Variants in OCIAD1 observed in about 807,000 individuals in gnomAD.
OCIAD1 encodes the protein OCIA domain-containing protein 1.
In OCIAD1, 29 loss-of-function variants were observed where a neutral mutation model predicts 38.9. That is an observed-to-expected ratio of 0.74 (90% CI 0.55 to 1.02). The LOEUF (loss-of-function observed/expected upper bound fraction) is 1.02, where lower values mean the gene tolerates loss of function less well. Among genes scored for constraint, OCIAD1 ranks in the 50% least tolerant of loss-of-function variants. The pLI is 0.00. For synonymous variants in OCIAD1, 110 were observed against 92.0 expected, an observed-to-expected ratio of 1.20 and a Z score of -1.12; for missense variants, 288 against 289.6, an observed-to-expected ratio of 0.99 and a Z score of 0.04.
chr4:48,810,894 CTTTTTTTTTT>C (rs869120091), intron 1 of OCIAD1, among the ~76,000 whole-genome samples: 2 of 64,236 alleles, frequency 3.1e-5, no homozygotes, highest in African/African-American at 1.3e-4. Flanking sequence ...TTCTTTCTTT[CTTTTTTTTTT>C]TTTTTTTTTG....
intron 7 of OCIAD1, among the ~76,000 whole-genome samples, chr4:48,852,913 G>C (rs543502838): frequency 3.6e-5 from 3 of 84,504 alleles, no homozygotes; most frequent in African/African-American, 1.1e-4. Context: ...ATGGAGTCTT[G>C]CTCTGTCGCC....
chr4:48,857,511 T>C (rs1780157716), intron 8 of OCIAD1, 146 bp downstream of exon 8: 2 of 473,138 alleles, frequency 4.2e-6, no homozygotes, highest in Non-Finnish European at 7.0e-6. Flanking sequence ...AATAGTACTT[T>C]ACAGTTATCA....
chr4:48,820,121 C>T lies in OCIAD1; in HGVS notation c.-102-10456C>T, dbSNP rs536362767. ...ACATTCTTCTCAGCACCACATAGCACGTATTCTAAAATCGATCACATAATT... is the reference window on the plus strand; with the variant it reads ...ACATTCTTCTCAGCACCACATAGCATGTATTCTAAAATCGATCACATAATT... On this transcript the variant is annotated intron_variant, in intron 1 of 6. Coordinates refer to the OCIAD1 transcript ENST00000504654. Among the ~76,000 whole-genome samples, 14 of 152,262 alleles carry T rather than the reference C, an allele frequency of 9.2e-5. No homozygotes were observed. The East Asian group carries it at 9.6e-4, about 10-fold the overall frequency.
chr4:48,815,479 C>T (rs1000013523), intron 1 of OCIAD1, among the ~76,000 whole-genome samples: 3 of 152,182 alleles, frequency 2.0e-5, no homozygotes, highest in Admixed American at 6.6e-5. Flanking sequence ...GAATGACCTG[C>T]AAAACCTGCC....
At chr4:48,838,835 T>C (rs767892595) in intron 3 of OCIAD1, among the ~76,000 whole-genome samples, 5 of 152,224 alleles carry the variant, frequency 3.3e-5, no homozygotes, top group Non-Finnish European at 7.3e-5. Context: ...TTCCTTAAGA[T>C]AACTATGTTT....
intron 1 of OCIAD1, among the ~76,000 whole-genome samples, chr4:48,807,565 G>A (rs1365413884): frequency 6.6e-6 from 1 of 152,138 alleles, no homozygotes; most frequent in Non-Finnish European, 1.5e-5. Context: ...TGTAATAAAT[G>A]TTAGGCATTA....
In OCIAD1 at chr4:48,859,862, C is replaced by T. The variant is rs1263018014; in HGVS notation, c.701-863C>T. Among the ~76,000 whole-genome samples, 2 of 152,064 alleles carry T rather than the reference C, an allele frequency of 1.3e-5. 1 individual carries two copies. The highest frequency in any genetic ancestry group is 2.9e-5 in the Non-Finnish European group (2 of 67,992). On this transcript the variant is annotated intron_variant, in intron 8 of 8. Transcript: ENST00000264312. The stretch of plus-strand genomic sequence containing the variant: ...ATTCAAGCACATATTCCATTAGCTG[C>T]CAGAGCAATGTCACCACACATCCTG...
At chr4:48,828,184 A>G (rs903278033), upstream of OCIAD1, among the ~76,000 whole-genome samples, 10 of 152,136 alleles carry the variant, frequency 6.6e-5, 3 homozygotes, top group African/African-American at 7.2e-5. Context: ...AAATGCACCA[A>G]TCAGTGCTCT....
intron 7 of OCIAD1, among the ~76,000 whole-genome samples, chr4:48,854,035 C>T (rs116423847): frequency 0.036 from 5,537 of 152,200 alleles, 229 homozygotes; most frequent in East Asian, 0.21. Flanking sequence ...GAGAGAATGG[C>T]TAAAGTCACT....
At chr4:48,812,508 A>AG (rs1777100551) in intron 1 of OCIAD1, among the ~76,000 whole-genome samples, 1 of 149,640 alleles carries the variant, frequency 6.7e-6, no homozygotes, top group South Asian at 2.1e-4. Context: ...AGTTAGATAG[A>AG]GGGAAAAAAG....
intron 3 of OCIAD1, among the ~76,000 whole-genome samples, chr4:48,837,782 G>A (rs1303218126): frequency 6.6e-6 from 1 of 151,952 alleles, no homozygotes; most frequent in African/African-American, 2.4e-5. Context: ...TGTAGTGTTG[G>A]GCTAACGGTT....
chr4:48,846,224 C>T (rs1307334097), intron 4 of OCIAD1, among the ~76,000 whole-genome samples: 2 of 152,122 alleles, frequency 1.3e-5, no homozygotes, highest in African/African-American at 4.8e-5. Flanking sequence ...TACCATCTTC[C>T]TTTTTCTATT....
At chr4:48,833,318 G>A (rs2109515249) in intron 2 of OCIAD1, 83 bp from the exon 3 acceptor site, 2 of 815,356 alleles carry the variant, frequency 2.5e-6, no homozygotes, top group Non-Finnish European at 4.0e-6. Context: ...GGTGCCTCTT[G>A]TTAATGTTTA....
chr4:48,844,675 T>A (rs1358627779), intron 4 of OCIAD1, among the ~76,000 whole-genome samples: 1 of 152,108 alleles, frequency 6.6e-6, no homozygotes, highest in Non-Finnish European at 1.5e-5. Flanking sequence ...CACCAAGACA[T>A]TTTGCATTTA....
At chr4:48,822,924 G>A (rs761236962) in intron 1 of OCIAD1, among the ~76,000 whole-genome samples, 11 of 152,156 alleles carry the variant, frequency 7.2e-5, no homozygotes, top group Non-Finnish European at 1.2e-4. Flanking sequence ...AAATCGGAAC[G>A]CTTTTACACT....
At chr4:48,858,369 C>T (rs1780289762) in intron 8 of OCIAD1, among the ~76,000 whole-genome samples, 1 of 152,128 alleles carries the variant, frequency 6.6e-6, no homozygotes, top group South Asian at 2.1e-4. Context: ...CGCTGTAATA[C>T]CACTTGTGGC....
chr4:48,838,612 TTAGA>T (rs1394943355), intron 3 of OCIAD1, among the ~76,000 whole-genome samples: 6 of 152,236 alleles, frequency 3.9e-5, no homozygotes, highest in African/African-American at 7.2e-5. Flanking sequence ...TACTTTCGAA[TTAGA>T]TAGTCTATGC....
chr4:48,807,587 C>T (rs1462742065), intron 1 of OCIAD1, among the ~76,000 whole-genome samples: 4 of 152,112 alleles, frequency 2.6e-5, no homozygotes, highest in African/African-American at 7.2e-5. Flanking sequence ...TATTAATTCC[C>T]TTTCTTTCTT....
chr4:48,828,594 C>T (rs917106279), upstream of OCIAD1, among the ~76,000 whole-genome samples: 1 of 152,164 alleles, frequency 6.6e-6, no homozygotes, highest in African/African-American at 2.4e-5. Flanking sequence ...GCCAGTGAGA[C>T]CATGAACCCA....
Sources: gnomAD v4.1 joint callset for allele counts (sites outside exome capture counted in the v4.1 genomes callset) on GRCh38, gnomAD v4.1.1 for gene constraint, MANE v1.5 for transcripts, NCBI Gene and HGNC (gene_info 2026-07-23, HGNC 2026-07-21) for gene names.